ZNF263: variants seen among roughly 807,000 people sequenced by gnomAD.
ZNF263 encodes the protein zinc finger protein 263.
A neutral mutation model predicts 63.1 loss-of-function variants in ZNF263; 49 were observed. The observed-to-expected ratio is 0.78, with a 90% CI of 0.62 to 0.99. The LOEUF is 0.99. Among genes scored for constraint, ZNF263 ranks in the 50% least tolerant of loss-of-function variants. ZNF263 has a pLI of 0.00. For missense variants in ZNF263, 872 were observed against 854.8 expected, an observed-to-expected ratio of 1.02 and a Z score of -0.25; for synonymous variants, 352 against 324.2, an observed-to-expected ratio of 1.09 and a Z score of -0.92.
chr16:3,285,754 G>C lies in ZNF263; in HGVS notation c.642G>C (p.Gln214His). The change falls in exon 3 of 6, where the codon CAG (glutamine) becomes CAC (histidine). Residue 214 changes from glutamine (Q) to histidine (H), a missense_variant and splice_region_variant. Gln to His is a conservative substitution (Grantham distance 24). Transcript: ENST00000219069. ...NMEDKEMTGP[Q>H]LPESLEDVAM... ...AAGACAAGGAGATGACTGGGCCCCAGGTGATGTGGAAGTTTCCATTGTCTC... is the reference window on the plus strand; with the variant it reads ...AAGACAAGGAGATGACTGGGCCCCACGTGATGTGGAAGTTTCCATTGTCTC... 1 of 1,614,114 alleles carries C rather than the reference G, an allele frequency of 6.2e-7. No individual in the cohort carries two copies. The highest frequency in any genetic ancestry group is 8.5e-7 in the Non-Finnish European group (1 of 1,180,010).
In ZNF263 at chr16:3,289,958, C is replaced by T. The variant is rs151032987; in HGVS notation, c.1452C>T (p.His484=). The change falls in exon 6 of 6, where the codon CAC becomes CAT. Residue 484 remains histidine (H), a synonymous_variant. Coordinates refer to ENST00000219069, the MANE Select transcript of ZNF263 (RefSeq NM_005741.5). ...ACCTCCACAGGCACCAGAGAACGCA[C>T]ACTGGGGAGAAGCCCTACAAGTGCC... is the stretch of plus-strand genomic sequence containing the variant. ...NSNLHRHQRT[H]TGEKPYKCPE... is the part of the protein sequence containing the mutation. 1.2e-6 allele frequency: 2 copies of T among 1,614,068 alleles called. No individual in the cohort carries two copies. Among genetic ancestry groups the T allele is most frequent in the African/African-American group, 1.3e-5 (1 of 74,942 alleles).
downstream of ZNF263, chr16:3,293,033 T>A (rs745531654): frequency 3.3e-5 from 5 of 152,196 alleles, no homozygotes; most frequent in Non-Finnish European, 5.9e-5. Flanking sequence ...CTTGTACTCA[T>A]GTTTGAGAGA....
intron 2 of ZNF263, 111 bp downstream of exon 2, chr16:3,285,350 G>A: frequency 8.0e-7 from 1 of 1,254,724 alleles, no homozygotes; most frequent in Non-Finnish European, 1.1e-6. Context: ...TGAAGATCAG[G>A]TTCTCACCTG....
intron 2 of ZNF263, chr16:3,299,605 C>A: frequency 6.4e-7 from 1 of 1,559,818 alleles, no homozygotes; most frequent in South Asian, 1.2e-5. Flanking sequence ...CCGTTTGCAG[C>A]TCAAGATCAC....
intron 1 of ZNF263, 132 bp downstream of exon 1, chr16:3,284,337 C>G (rs937979329): frequency 1.5e-6 from 2 of 1,342,544 alleles, no homozygotes; most frequent in Non-Finnish European, 1.9e-6. Context: ...GTGATTTAAC[C>G]TGGAACACTC....
chr16:3,283,524 G>A lies in ZNF263; in HGVS notation c.-295G>A. 3.5e-6 allele frequency: 1 copy of A among 286,018 alleles called. No homozygotes were observed. The highest frequency in any genetic ancestry group is 5.3e-5 in the Admixed American group (1 of 18,926). The allele number at this position is 286,018 out of a possible 1,614,324, so 17.7% of individuals were successfully genotyped here. On this transcript the variant is annotated 5_prime_UTR_variant, in exon 1 of 6. Transcript: ENST00000219069. ...CGCTGAGATTTCCGGCGTGGGAGCAGAGGTCTGAGTCTTGCGTGGGTCCTC... is the reference window on the plus strand; with the variant it reads ...CGCTGAGATTTCCGGCGTGGGAGCAAAGGTCTGAGTCTTGCGTGGGTCCTC...
chr16:3,299,331 C>T (rs749584695), intron 2 of ZNF263: 1 of 1,593,316 alleles, frequency 6.3e-7, no homozygotes, highest in Non-Finnish European at 8.5e-7. Flanking sequence ...TTTCCAACTC[C>T]CCACATTTTT....
At chr16:3,285,952 C>A in intron 3 of ZNF263, 71 bp from the exon 4 acceptor site, 3 of 1,612,692 alleles carry the variant, frequency 1.9e-6, no homozygotes, top group South Asian at 1.1e-5. Flanking sequence ...GATTTTGCCC[C>A]TTTAACCCAT....
At position 3,283,721 on chromosome 16, in the gene ZNF263, C is replaced by T; in HGVS notation, c.-98C>T. 7.1e-7 allele frequency: 1 copy of T among 1,404,806 alleles called. No homozygotes were observed. The highest frequency in any genetic ancestry group is 1.5e-5 in the African/African-American group (1 of 68,274). The allele number at this position is 1,404,806 out of a possible 1,614,324, so 87.0% of individuals were successfully genotyped here. A position where few individuals can be genotyped will look rare whatever the true frequency, so the allele number is the denominator to read the frequency against. On this transcript the variant is annotated 5_prime_UTR_variant, in exon 1 of 6. Transcript: ENST00000219069. Reference sequence around the variant, plus strand: ...GGCCTGGACTGGGAGCCCCCGGCCCCGGGCTCCTGCTGGCGCCGTCCAACC... The same window carrying T: ...GGCCTGGACTGGGAGCCCCCGGCCCTGGGCTCCTGCTGGCGCCGTCCAACC...
In ZNF263 at chr16:3,290,293, C is replaced by A; in HGVS notation, c.1787C>A (p.Thr596Lys). 2 of 1,614,046 alleles carry A rather than the reference C, an allele frequency of 1.2e-6. No individual in the cohort carries two copies. The highest frequency in any genetic ancestry group is 1.7e-6 in the Non-Finnish European group (2 of 1,180,018). The stretch of plus-strand genomic sequence containing the variant: ...ATGCACCTCACCAGACATCAGAGAA[C>A]ACACACAGGAGAGAAACCGTATAAA... ...QGMHLTRHQR[T>K]HTGEKPYKCT... is the part of the protein sequence containing the mutation. The change falls in exon 6 of 6, where the codon ACA (threonine) becomes AAA (lysine). Residue 596 changes from threonine to lysine, a missense_variant. Coordinates refer to ENST00000219069, the MANE Select transcript of ZNF263 (RefSeq NM_005741.5).
rs367556184 is a variant in ZNF263, at chr16:3,288,794, C to T, written c.886+224C>T. On this transcript the variant is annotated intron_variant, in intron 5 of 5. Coordinates refer to ENST00000219069, the MANE Select transcript of ZNF263 (RefSeq NM_005741.5). The stretch of plus-strand genomic sequence containing the variant: ...CCGAGTAGCTGGGATTACAGGCATG[C>T]GCCACCACGCCCAGCTAATTTTTTG... 2.0e-4 allele frequency among the ~76,000 whole-genome samples: 31 copies of T among 152,166 alleles called. No individual in the cohort carries two copies. In the South Asian group the frequency reaches 3.9e-3, roughly 19 times the overall value.
chr16:3,299,703 A>C (rs1300027456), intron 2 of ZNF263: 1 of 1,537,412 alleles, frequency 6.5e-7, no homozygotes, highest in Admixed American at 2.2e-5. Flanking sequence ...TTAGGGATTC[A>C]GAGGAAGGAT....
chr16:3,301,252 G>A (rs184964965), exon 3 of ZNF263: 161 of 167,252 alleles, frequency 9.6e-4, no homozygotes, highest in Non-Finnish European at 7.3e-5. Context: ...AGGGCTCCGA[G>A]CTACAGGGAC....
In ZNF263 at chr16:3,290,206, C is replaced by T. The variant is rs776553812; in HGVS notation, c.1700C>T (p.Ala567Val). 2 of 1,614,154 alleles carry T rather than the reference C, an allele frequency of 1.2e-6. No individual in the cohort carries two copies. The highest frequency in any genetic ancestry group is 1.3e-5 in the African/African-American group (1 of 75,026). Residue 567 changes from alanine to valine, a missense_variant, in exon 6 of 6, where the codon GCC becomes GTC. By Grantham distance (64) the Ala-to-Val change is moderately conservative. Transcript: ENST00000219069. ...DSTPFLTNHGAHKAEKKLFEC... is the reference protein window; with the variant it reads ...DSTPFLTNHGVHKAEKKLFEC... ...ACCCCCTTTCTTACAAACCATGGAG[C>T]CCATAAGGCAGAGAAGAAGCTCTTT...
At chr16:3,296,842 G>T (rs1483847835) in intron 1 of ZNF263, among the ~76,000 whole-genome samples, 1 of 152,170 alleles carries the variant, frequency 6.6e-6, no homozygotes, top group Non-Finnish European at 1.5e-5. Context: ...AATTTGAAAG[G>T]AGAGAAAAGT....
intron 1 of ZNF263, among the ~76,000 whole-genome samples, chr16:3,298,392 AAG>A (rs1350544544): frequency 3.3e-5 from 5 of 152,382 alleles, no homozygotes; most frequent in African/African-American, 9.6e-5. Flanking sequence ...AAAATATGTT[AAG>A]ACAGTAAGAG....
At chr16:3,288,378 C>A (rs1331580962) in intron 4 of ZNF263, 76 bp from the exon 5 acceptor site, 2 of 1,026,888 alleles carry the variant, frequency 1.9e-6, no homozygotes, top group African/African-American at 1.6e-5. Flanking sequence ...CCACTGAGGG[C>A]AGGGAACAAG....
At chr16:3,300,482 T>G (rs1959908514) in intron 2 of ZNF263, 1 of 1,614,184 alleles carries the variant, frequency 6.2e-7, no homozygotes, top group South Asian at 1.1e-5. Context: ...TTTTTTTTAA[T>G]GTCATAAAAT....
chr16:3,285,625 C>T, intron 2 of ZNF263, 56 bp from the exon 3 acceptor site: 1 of 1,564,094 alleles, frequency 6.4e-7, no homozygotes, highest in Non-Finnish European at 8.8e-7. Flanking sequence ...TTTAATAATC[C>T]TTGGGTTGCC....
Sources: gnomAD v4.1 joint callset for allele counts (sites outside exome capture counted in the v4.1 genomes callset) on GRCh38, gnomAD v4.1.1 for gene constraint, MANE v1.5 for transcripts, NCBI Gene and HGNC (gene_info 2026-07-23, HGNC 2026-07-21) for gene names.